The following TECPR2 variants were observed in gnomAD, a reference collection of about 807,000 sequenced individuals.
The protein encoded by TECPR2 is tectonin beta-propeller repeat-containing protein 2.
Under a neutral mutation model 138.1 loss-of-function variants are expected in TECPR2, and 65 were observed. That is an observed-to-expected ratio of 0.47 (90% CI 0.39 to 0.58). TECPR2 has a LOEUF of 0.58. TECPR2 is among the 20% of genes least tolerant of loss of function. The pLI is 0.00. For missense variants in TECPR2, 1,553 were observed against 1,824.5 expected, an observed-to-expected ratio of 0.85 and a Z score of 2.71; for synonymous variants, 746 against 749.8, an observed-to-expected ratio of 0.99 and a Z score of 0.08.
Position 102,417,987 on chromosome 14 carries a change from C to T in TECPR2, c.638+3194C>T, listed in dbSNP as rs546588066. Among the ~76,000 whole-genome samples the T allele has an allele frequency of 2.0e-5, 3 of 152,162 alleles. No individual in the cohort carries two copies. The East Asian group carries it at 5.8e-4, about 29-fold the overall frequency. The stretch of plus-strand genomic sequence containing the variant: ...GGCTGCCTTGGGAGTCCAGGGAAAC[C>T]ATTGACTGAGATGGAGACTGGAGAC... On this transcript the variant is annotated intron_variant, in intron 5 of 19. Transcript: ENST00000359520.
chr14:102,408,593 G>A lies in TECPR2; in HGVS notation c.454G>A (p.Val152Ile). 1 of 1,613,082 alleles carries A rather than the reference G, an allele frequency of 6.2e-7. No individual in the cohort carries two copies. The highest frequency in any genetic ancestry group is 8.5e-7 in the Non-Finnish European group (1 of 1,179,700). ...CTCTGGAGATGACAAAGGCAAAATT[G>A]TTTATTCTTCTCTGGATCTAGACCA... ...LFSGDDKGKI[V>I]YSSLDLDQGL... The change falls in exon 4 of 20, where the codon GTT (valine) becomes ATT (isoleucine). Residue 152 changes from valine (V) to isoleucine (I), a missense_variant. Val to Ile is a conservative substitution (Grantham distance 29, BLOSUM62 3). Transcript: ENST00000359520.
intron 4 of TECPR2, among the ~76,000 whole-genome samples, chr14:102,409,803 A>T (rs572994564): frequency 4.1e-4 from 62 of 152,094 alleles, no homozygotes; most frequent in African/African-American, 1.4e-3. Context: ...TGAGAAATTT[A>T]AAAATATACA....
chr14:102,448,008 C>T (rs1890031827), intron 13 of TECPR2, among the ~76,000 whole-genome samples: 3 of 152,038 alleles, frequency 2.0e-5, no homozygotes, highest in Non-Finnish European at 4.4e-5. Context: ...ATAATATGTA[C>T]ATTATATACA....
At chr14:102,475,061 T>C (rs1325868001) in intron 17 of TECPR2, among the ~76,000 whole-genome samples, 1 of 152,188 alleles carries the variant, frequency 6.6e-6, no homozygotes, top group African/African-American at 2.4e-5. Flanking sequence ...ACTCACAGGC[T>C]ACCGTAGAGA....
At chr14:102,470,821 T>G (rs1468388204) in intron 17 of TECPR2, among the ~76,000 whole-genome samples, 1 of 62,330 alleles carries the variant, frequency 1.6e-5, no homozygotes, top group Non-Finnish European at 3.6e-5. Context: ...GTTTCTTGTG[T>G]TTTTTTTTTT....
chr14:102,438,316 C>A, intron 10 of TECPR2, 111 bp downstream of exon 10: 1 of 1,338,146 alleles, frequency 7.5e-7, no homozygotes. Flanking sequence ...CAGCTCTGGG[C>A]TCACGCTGCC....
chr14:102,454,144 ACT>A (rs1241911235), intron 16 of TECPR2, among the ~76,000 whole-genome samples: 2 of 149,602 alleles, frequency 1.3e-5, no homozygotes, highest in African/African-American at 2.5e-5. Context: ...ACAGAGCAAG[ACT>A]CTGTCTCAAA....
At chr14:102,484,248 C>T (rs1407596106) in intron 17 of TECPR2, among the ~76,000 whole-genome samples, 1 of 152,108 alleles carries the variant, frequency 6.6e-6, no homozygotes, top group African/African-American at 2.4e-5. Flanking sequence ...TCCATGATCA[C>T]ATGTTTAATT....
chr14:102,437,731 C>T (rs12147260), intron 9 of TECPR2, among the ~76,000 whole-genome samples: 24 of 152,070 alleles, frequency 1.6e-4, no homozygotes, highest in Admixed American at 3.9e-4. Flanking sequence ...TCCTTCGTAA[C>T]GTGATGTGAT....
At chr14:102,409,938 G>A (rs953996778) in intron 4 of TECPR2, among the ~76,000 whole-genome samples, 1 of 152,074 alleles carries the variant, frequency 6.6e-6, no homozygotes, top group Non-Finnish European at 1.5e-5. Flanking sequence ...CCGAGTAGCT[G>A]GGACTACAGG....
intron 17 of TECPR2, among the ~76,000 whole-genome samples, chr14:102,485,072 C>T (rs995968515): frequency 9.9e-5 from 15 of 152,250 alleles, no homozygotes; most frequent in African/African-American, 3.6e-4. Context: ...GCTTCTTCAG[C>T]GCCCTGCAGG....
At position 102,443,771 on chromosome 14, in the gene TECPR2, G is replaced by A. The variant is rs1399265530; in HGVS notation, c.2877G>A (p.Arg959=). 2.5e-6 allele frequency: 4 copies of A among 1,609,304 alleles called. No individual in the cohort carries two copies. The highest frequency in any genetic ancestry group is 1.7e-6 in the Non-Finnish European group (2 of 1,176,610). ...CAGAGCAGAGGGCCCTCCTGTACCG[G>A]GAGGGCGTGAGCAGCTTCTGTCCGG... The part of the protein sequence containing the change: ...ALTEQRALLY[R]EGVSSFCPEG... The change falls in exon 12 of 20, where the codon CGG becomes CGA. Residue 959 remains arginine, a synonymous_variant. Transcript: ENST00000359520. This position sits in a 1 kb window ranked among gnomAD's most constrained non-coding sequence, Gnocchi z 4.9.
At chr14:102,431,550 G>C (rs904234292) in intron 7 of TECPR2, among the ~76,000 whole-genome samples, 1 of 152,024 alleles carries the variant, frequency 6.6e-6, no homozygotes, top group African/African-American at 2.4e-5. Flanking sequence ...CACTGTGTTA[G>C]CCAGGATGGT....
chr14:102,502,139 C>CT lies in TECPR2; in HGVS notation c.*3882_*3883insT, dbSNP rs1364821397. On this transcript the variant is annotated 3_prime_UTR_variant, in exon 20 of 20. Coordinates refer to ENST00000359520, the MANE Select transcript of TECPR2 (RefSeq NM_014844.5). ...TTAAGAAGCACGTGTGTGCAGGAAG[C>CT]GGAGGCGCAGGACCTCACCGCGCCA... 6.6e-6 allele frequency: 1 copy of CT among 151,598 alleles called. No individual in the cohort carries two copies. Among genetic ancestry groups the CT allele is most frequent in the African/African-American group, 2.4e-5 (1 of 41,348 alleles). 9.4% of individuals were successfully genotyped at this position (151,598 alleles called of 1,614,324 possible).
intron 17 of TECPR2, among the ~76,000 whole-genome samples, chr14:102,491,206 C>CT (rs1381407161): frequency 2.6e-5 from 4 of 152,146 alleles, no homozygotes; most frequent in Admixed American, 1.3e-4. Context: ...CATCTCTCCT[C>CT]TTTTTTTACT....
chr14:102,436,217 C>T (rs1889666251), intron 9 of TECPR2, among the ~76,000 whole-genome samples: 1 of 152,200 alleles, frequency 6.6e-6, no homozygotes, highest in Non-Finnish European at 1.5e-5. Context: ...CCAGGACCCC[C>T]TCACTCACCC....
At chr14:102,457,138 G>T (rs1477541902) in intron 16 of TECPR2, among the ~76,000 whole-genome samples, 1 of 152,040 alleles carries the variant, frequency 6.6e-6, no homozygotes, top group African/African-American at 2.4e-5. Flanking sequence ...AGGCTGGAGT[G>T]CAGTGACACA....
chr14:102,439,498 G>A (rs1006224486), intron 10 of TECPR2, among the ~76,000 whole-genome samples: 1 of 152,126 alleles, frequency 6.6e-6, no homozygotes, highest in Non-Finnish European at 1.5e-5. Flanking sequence ...ACACAGTTGT[G>A]TGTTTTAATT....
At chr14:102,412,574 C>T (rs1375178278) in intron 4 of TECPR2, among the ~76,000 whole-genome samples, 1 of 150,978 alleles carries the variant, frequency 6.6e-6, no homozygotes, top group Non-Finnish European at 1.5e-5. Flanking sequence ...TGTGTGAGAG[C>T]AACAAATACC....
Sources: allele counts gnomAD v4.1 joint callset (sites outside exome capture counted in the v4.1 genomes callset), GRCh38; gene constraint gnomAD v4.1.1; non-coding constraint Gnocchi (gnomAD v3.1); transcripts MANE v1.5; gene names NCBI Gene and HGNC (gene_info 2026-07-23, HGNC 2026-07-21).